The following NECAB1 variants were observed in gnomAD, a reference collection of about 807,000 sequenced individuals.
NECAB1 encodes the protein N-terminal EF-hand calcium binding protein 1.
In NECAB1, 29 loss-of-function variants were observed where a neutral mutation model predicts 57.5. The observed-to-expected ratio is 0.50, with a 90% CI of 0.38 to 0.69. The LOEUF is 0.69. Among genes scored for constraint, NECAB1 ranks in the 30% least tolerant of loss-of-function variants. NECAB1 has a pLI of 0.00. For synonymous variants in NECAB1, 142 were observed against 147.7 expected, an observed-to-expected ratio of 0.96 and a Z score of 0.28; for missense variants, 372 against 413.8, an observed-to-expected ratio of 0.90 and a Z score of 0.88.
chr8:90,867,366 C>T (rs1484628687), intron 3 of NECAB1, among the ~76,000 whole-genome samples: 1 of 152,040 alleles, frequency 6.6e-6, no homozygotes, highest in African/African-American at 2.4e-5. Flanking sequence ...ACAAGATGAA[C>T]TTTTATGTCC....
chr8:90,822,866 A>ATT lies in NECAB1; in HGVS notation c.125-1841_125-1840dup, dbSNP rs5893135. Reference sequence around the variant, plus strand: ...GATTTCTGTTTTTTCTTTTTTCTTTATTTTTTTTTTTAAACAGTACATGAA... The same window carrying ATT: ...GATTTCTGTTTTTTCTTTTTTCTTTATTTTTTTTTTTTTAAACAGTACATGAA... On this transcript the variant is annotated intron_variant, in intron 2 of 12. Transcript: ENST00000417640. 2.3e-3 allele frequency among the ~76,000 whole-genome samples: 335 copies of ATT among 147,688 alleles called. 3 individuals are homozygous for ATT. Among genetic ancestry groups the ATT allele is most frequent in the African/African-American group, 7.6e-3 (309 of 40,744 alleles).
intron 3 of NECAB1, among the ~76,000 whole-genome samples, chr8:90,866,037 AG>A (rs1808506767): frequency 6.6e-6 from 1 of 152,230 alleles, no homozygotes; most frequent in African/African-American, 2.4e-5. Context: ...CATGGAATTA[AG>A]AACAACTCAA....
chr8:90,949,989 T>C, intron 11 of NECAB1, 105 bp downstream of exon 11: 2 of 623,576 alleles, frequency 3.2e-6, no homozygotes, highest in South Asian at 5.1e-5. Flanking sequence ...TTACCTTACC[T>C]TAAAACCTGT....
intron 1 of NECAB1, among the ~76,000 whole-genome samples, chr8:90,798,221 T>A (rs1811695382): frequency 6.6e-6 from 1 of 152,216 alleles, no homozygotes; most frequent in African/African-American, 2.4e-5. Context: ...GTCATTGGAC[T>A]TAGGGACCAC....
In NECAB1 at chr8:90,949,864, G is replaced by T; in HGVS notation, c.918G>T (p.Glu306Asp). 6.2e-7 allele frequency: 1 copy of T among 1,607,324 alleles called. No individual in the cohort carries two copies. ...ESRYMIYEFW[E>D]NSSVWNSHLQ... ...GCTACATGATCTATGAGTTCTGGGAGAATAGTAGTGTATGGAATAGGTAAG... is the reference window on the plus strand; with the variant it reads ...GCTACATGATCTATGAGTTCTGGGATAATAGTAGTGTATGGAATAGGTAAG... Residue 306 changes from glutamate to aspartate, a missense_variant, in exon 11 of 13, where the codon GAG becomes GAT. Transcript: ENST00000417640.
chr8:90,924,962 T>C (rs1270869467), intron 6 of NECAB1, among the ~76,000 whole-genome samples: 1 of 151,550 alleles, frequency 6.6e-6, no homozygotes, highest in African/African-American at 2.4e-5. Context: ...GTATATAAGA[T>C]ATACTGTATA....
chr8:90,838,327 T>A (rs544843375), intron 3 of NECAB1, among the ~76,000 whole-genome samples: 3 of 152,284 alleles, frequency 2.0e-5, no homozygotes, highest in African/African-American at 4.8e-5. Context: ...AAAAGCATCA[T>A]AAAACCTCTA....
rs1295490168 is a variant in NECAB1, at chr8:90,801,018, TATAA to T, written c.100-667_100-664del. 3.9e-5 allele frequency among the ~76,000 whole-genome samples: 6 copies of T among 152,318 alleles called. No homozygotes were observed. The East Asian group carries it at 1.2e-3, about 29-fold the overall frequency. The stretch of plus-strand genomic sequence containing the variant: ...GTCCAAGATAATATGATTAATAAAG[TATAA>T]ATAAAGTAGATATAGCATAGACATG... On this transcript the variant is annotated intron_variant, in intron 1 of 12. Coordinates refer to ENST00000417640, the MANE Select transcript of NECAB1 (RefSeq NM_022351.5).
chr8:90,917,637 C>T lies in NECAB1; in HGVS notation c.494+9C>T. On this transcript the variant is annotated intron_variant, in intron 6 of 12. Transcript: ENST00000417640. ...CAAACCCGTCAAGAAAGGCAATTTA[C>T]ATGTTTTCATCTGATGTCTATTTAG... The T allele has an allele frequency of 1.2e-6, 2 of 1,603,398 alleles. No homozygotes were observed. The highest frequency in any genetic ancestry group is 1.7e-6 in the Non-Finnish European group (2 of 1,174,056).
intron 9 of NECAB1, among the ~76,000 whole-genome samples, chr8:90,935,083 G>T (rs1810503384): frequency 6.6e-6 from 1 of 152,086 alleles, no homozygotes; most frequent in Admixed American, 6.6e-5. Context: ...GGGTAACTAG[G>T]AGAAAAATCA....
intron 9 of NECAB1, among the ~76,000 whole-genome samples, chr8:90,934,852 T>C (rs1438033309): frequency 1.3e-5 from 2 of 152,214 alleles, no homozygotes; most frequent in South Asian, 2.1e-4. Flanking sequence ...AAGATGTCCA[T>C]CCAGAGTGGC....
chr8:90,801,045 A>C (rs1020537513), intron 1 of NECAB1, among the ~76,000 whole-genome samples: 1 of 151,114 alleles, frequency 6.6e-6, no homozygotes, highest in Non-Finnish European at 1.5e-5. Context: ...TAGCATAGAC[A>C]TGTGGTTACT....
At chr8:90,801,904 A>G (rs991501630) in intron 2 of NECAB1, among the ~76,000 whole-genome samples, 189 bp downstream of exon 2, 1 of 152,222 alleles carries the variant, frequency 6.6e-6, no homozygotes, top group Non-Finnish European at 1.5e-5. Context: ...AAGGATTTAC[A>G]TTTGAAAGGA....
At chr8:90,793,258 C>T (rs1044636833) in intron 1 of NECAB1, among the ~76,000 whole-genome samples, 1 of 152,110 alleles carries the variant, frequency 6.6e-6, no homozygotes, top group African/African-American at 2.4e-5. Flanking sequence ...AAAGAAACTC[C>T]TATCAATAAT....
intron 10 of NECAB1, among the ~76,000 whole-genome samples, chr8:90,942,234 C>G (rs894473884): frequency 2.0e-5 from 3 of 152,172 alleles, no homozygotes; most frequent in African/African-American, 7.2e-5. Flanking sequence ...TTCAGTGAGA[C>G]AGTCCATATG....
intron 1 of NECAB1, among the ~76,000 whole-genome samples, chr8:90,799,514 T>C (rs1811725904): frequency 6.6e-6 from 1 of 152,216 alleles, no homozygotes; most frequent in Admixed American, 6.5e-5. Context: ...CCAGTTTCAT[T>C]CTTCTGCATA....
intron 3 of NECAB1, among the ~76,000 whole-genome samples, chr8:90,826,029 G>T (rs1248822253): frequency 1.3e-5 from 2 of 151,770 alleles, no homozygotes; most frequent in Non-Finnish European, 2.9e-5. Context: ...CAAAAGGGAA[G>T]AAATTTTAGC....
intron 2 of NECAB1, among the ~76,000 whole-genome samples, chr8:90,803,143 C>G (rs1431763895): frequency 6.6e-6 from 1 of 152,176 alleles, no homozygotes; most frequent in African/African-American, 2.4e-5. Flanking sequence ...GTGATCCACC[C>G]TCTTCGGCCT....
rs183421446 is a variant in NECAB1, at chr8:90,888,225, T to G, written c.357+7095T>G. ...TTCCTAATAGAAAGTGGGAGTTAATTTTCTGCCTAATGAAAGGACGAGTAC... is the reference window on the plus strand; with the variant it reads ...TTCCTAATAGAAAGTGGGAGTTAATGTTCTGCCTAATGAAAGGACGAGTAC... On this transcript the variant is annotated intron_variant, in intron 5 of 12. Transcript: ENST00000417640. Among the ~76,000 whole-genome samples the G allele has an allele frequency of 7.9e-4, 120 of 152,320 alleles. 1 individual carries two copies. Among genetic ancestry groups the G allele is most frequent in the Non-Finnish European group, 1.1e-3 (75 of 68,030 alleles).
Sources: gnomAD v4.1 joint callset for allele counts (sites outside exome capture counted in the v4.1 genomes callset) on GRCh38, gnomAD v4.1.1 for gene constraint, MANE v1.5 for transcripts, NCBI Gene and HGNC (gene_info 2026-07-23, HGNC 2026-07-21) for gene names.